The following UVRAG variants were observed in gnomAD, a reference collection of about 807,000 sequenced individuals.
UVRAG encodes UV radiation resistance associated.
Under a neutral mutation model 78.0 loss-of-function variants are expected in UVRAG, and 19 were observed. That is an observed-to-expected ratio of 0.24 (90% CI 0.17 to 0.36). UVRAG has a LOEUF of 0.36. Among genes scored for constraint, UVRAG ranks in the 10% least tolerant of loss-of-function variants. UVRAG has a pLI of 1.00. For synonymous variants in UVRAG, 323 were observed against 324.6 expected (o/e 1.00, Z 0.05); for missense variants, 740 against 853.8 (o/e 0.87, Z 1.66).
chr11:76,050,161 C>G (rs1950836087), intron 12 of UVRAG, among the ~76,000 whole-genome samples: 1 of 152,162 alleles, frequency 6.6e-6, no homozygotes, highest in Admixed American at 6.5e-5. Context: ...TGGCAAACAC[C>G]ATTCTGTAAT....
chr11:76,094,319 CT>C (rs1299233121), intron 13 of UVRAG, among the ~76,000 whole-genome samples: 3 of 152,060 alleles, frequency 2.0e-5, no homozygotes, highest in Non-Finnish European at 4.4e-5. Flanking sequence ...TTGAAATTCT[CT>C]TTTTTTGTTG....
At chr11:76,067,835 G>A (rs368784417) in intron 13 of UVRAG, among the ~76,000 whole-genome samples, 8 of 152,186 alleles carry the variant, frequency 5.3e-5, no homozygotes, top group African/African-American at 1.7e-4. Flanking sequence ...GATGTCAGCC[G>A]TGGTGGAAAG....
At chr11:75,968,215 A>AT (rs528712063) in intron 7 of UVRAG, among the ~76,000 whole-genome samples, 48 of 152,212 alleles carry the variant, frequency 3.2e-4, no homozygotes, top group Admixed American at 2.9e-3. Flanking sequence ...AACATTTCCC[A>AT]TTTTTTTGGC....
chr11:76,115,288 G>A (rs902300635), intron 13 of UVRAG, among the ~76,000 whole-genome samples: 10 of 152,198 alleles, frequency 6.6e-5, no homozygotes, highest in African/African-American at 2.4e-4. Flanking sequence ...CAGTTTCCCT[G>A]TACCACCTCT....
intron 3 of UVRAG, among the ~76,000 whole-genome samples, chr11:75,869,318 A>C (rs1199222403): frequency 6.6e-6 from 1 of 152,248 alleles, no homozygotes; most frequent in East Asian, 1.9e-4. Context: ...AGTTCTGTTG[A>C]GATTGTGACT....
At chr11:76,106,527 G>C (rs954750852) in intron 13 of UVRAG, among the ~76,000 whole-genome samples, 1 of 151,884 alleles carries the variant, frequency 6.6e-6, no homozygotes, top group Non-Finnish European at 1.5e-5. Flanking sequence ...CACCATGCCC[G>C]GCTAATTTTT....
intron 5 of UVRAG, among the ~76,000 whole-genome samples, chr11:75,903,895 G>A (rs374806117): frequency 6.6e-6 from 1 of 152,140 alleles, no homozygotes; most frequent in Non-Finnish European, 1.5e-5. Context: ...TATACATTTT[G>A]TAGTTTTAAT....
intron 11 of UVRAG, among the ~76,000 whole-genome samples, chr11:76,012,744 G>A (rs1950073063): frequency 6.6e-6 from 1 of 151,530 alleles, no homozygotes. Flanking sequence ...GTCCAGTGAA[G>A]GGTGTTCATC....
chr11:75,999,678 C>G (rs1028119624), intron 8 of UVRAG, among the ~76,000 whole-genome samples: 4 of 152,046 alleles, frequency 2.6e-5, no homozygotes, highest in African/African-American at 9.7e-5. Context: ...CGTGCCCAGC[C>G]ATATTTTTAG....
chr11:75,984,173 T>C (rs954156904), intron 8 of UVRAG, among the ~76,000 whole-genome samples: 1 of 152,210 alleles, frequency 6.6e-6, no homozygotes. Context: ...TGTGGTATGA[T>C]ATTTTCTTGC....
At chr11:76,116,691 G>A (rs993438564) in intron 14 of UVRAG, among the ~76,000 whole-genome samples, 1 of 152,208 alleles carries the variant, frequency 6.6e-6, no homozygotes, top group South Asian at 2.1e-4. Flanking sequence ...GAATCCTTGG[G>A]TAGTGGGCAG....
chr11:75,926,194 G>A lies in UVRAG; in HGVS notation c.593+14155G>A, dbSNP rs562613600. On this transcript the variant is annotated intron_variant, in intron 6 of 14. Transcript: ENST00000356136. ...TCACCTTGTGCCTCCCCGTGGAGGA[G>A]GTCTTAATGGTTTACTATTGAGGAG... Among the ~76,000 whole-genome samples, 4 of 152,226 alleles carry A rather than the reference G, an allele frequency of 2.6e-5. No individual in the cohort carries two copies. The South Asian group carries it at 8.3e-4, about 32-fold the overall frequency.
At chr11:75,937,012 T>C (rs1387802794) in intron 6 of UVRAG, among the ~76,000 whole-genome samples, 1 of 152,210 alleles carries the variant, frequency 6.6e-6, no homozygotes, top group Non-Finnish European at 1.5e-5. Context: ...GTTCTCAGCC[T>C]CCTGAGTAGC....
rs908548675 is a variant in UVRAG at position 75,815,540 on chromosome 11, T to G, written c.117+16T>G. ...GTCTCAGCAGGTAAGCCCGCGCGGC[T>G]CGCAGCACTCGGGAGGGACCCGGGC... is the stretch of plus-strand genomic sequence containing the variant. On this transcript the variant is annotated intron_variant, in intron 1 of 14. Coordinates refer to ENST00000356136, the MANE Select transcript of UVRAG (RefSeq NM_003369.4). The G allele has an allele frequency of 8.1e-7, 1 of 1,227,468 alleles. No homozygotes were observed. Among genetic ancestry groups the G allele is most frequent in the East Asian group, 3.2e-5 (1 of 31,716 alleles). The allele number at this position is 1,227,468 out of a possible 1,614,324, so 76.0% of individuals were successfully genotyped here. A position where few individuals can be genotyped will look rare whatever the true frequency, so the allele number is the denominator to read the frequency against.
intron 5 of UVRAG, among the ~76,000 whole-genome samples, chr11:75,894,860 G>A (rs553683995): frequency 6.2e-4 from 94 of 150,844 alleles, no homozygotes; most frequent in African/African-American, 2.2e-3. Context: ...AATTAGCAGA[G>A]GAAAAAAGGG....
chr11:75,882,206 C>T (rs1946962332), intron 4 of UVRAG, among the ~76,000 whole-genome samples: 1 of 152,036 alleles, frequency 6.6e-6, no homozygotes, highest in Non-Finnish European at 1.5e-5. Context: ...TGCATTTTTT[C>T]AGGTTAAAAA....
rs752475570 is a variant in UVRAG, at chr11:75,983,381, A to G, written c.700-6A>G. 6 of 1,584,636 alleles carry G rather than the reference A, an allele frequency of 3.8e-6. No homozygotes were observed. The highest frequency in any genetic ancestry group is 3.4e-4 in the Middle Eastern group (2 of 5,926). On this transcript the variant is annotated splice_region_variant and splice_polypyrimidine_tract_variant and intron_variant, in intron 7 of 14. Transcript: ENST00000356136. ...CATAAATATACCTGTGATTTTATTTATTTAGAAAAAAAAAAGTGAATGCCT... is the reference window on the plus strand; with the variant it reads ...CATAAATATACCTGTGATTTTATTTGTTTAGAAAAAAAAAAGTGAATGCCT...
chr11:75,930,929 TTCTTTCTTTCTTTC>T (rs1161403021), intron 6 of UVRAG: 3 of 118,428 alleles, frequency 2.5e-5, no homozygotes, highest in African/African-American at 1.2e-4. Flanking sequence ...TGTCGGGATT[TTCTTTCTTTCTTTC>T]TTTCTTTCTT....
chr11:75,883,034 T>C (rs1163600158), intron 4 of UVRAG, among the ~76,000 whole-genome samples: 1 of 152,230 alleles, frequency 6.6e-6, no homozygotes, highest in Non-Finnish European at 1.5e-5. Flanking sequence ...ACCAGATCCC[T>C]GCACTGGGGT....
Sources: gnomAD v4.1 joint callset for allele counts (sites outside exome capture counted in the v4.1 genomes callset) on GRCh38, gnomAD v4.1.1 for gene constraint, MANE v1.5 for transcripts, NCBI Gene and HGNC (gene_info 2026-07-23, HGNC 2026-07-21) for gene names.